USP32: variants seen among roughly 807,000 people sequenced by gnomAD.
USP32 encodes the protein ubiquitin carboxyl-terminal hydrolase 32.
USP32 carries 59 observed loss-of-function variants against 204.8 expected under a neutral mutation model. The observed-to-expected ratio is 0.29, with a 90% CI of 0.23 to 0.36. The LOEUF (loss-of-function observed/expected upper bound fraction) is 0.36, where lower values mean the gene tolerates loss of function less well. Ranked by LOEUF, USP32 falls within the 10% of genes least tolerant of loss-of-function variation. The probability of loss-of-function intolerance (pLI) is 1.00; values close to 1 mark genes in which losing one functional copy is unlikely to be tolerated. For synonymous variants in USP32, 517 were observed against 678.4 expected, an observed-to-expected ratio of 0.76 and a Z score of 3.70; for missense variants, 1,160 against 1,946.4, an observed-to-expected ratio of 0.60 and a Z score of 7.60.
intron 2 of USP32, among the ~76,000 whole-genome samples, chr17:60,302,145 ATTTATTTG>A (rs1377636281): frequency 6.9e-6 from 1 of 145,492 alleles, no homozygotes; most frequent in Non-Finnish European, 1.5e-5. Flanking sequence ...TTATTTATTT[ATTTATTTG>A]AGATGGAGTT....
chr17:60,239,505 T>C (rs2145652363), intron 11 of USP32, among the ~76,000 whole-genome samples: 1 of 152,312 alleles, frequency 6.6e-6, no homozygotes, highest in African/African-American at 2.4e-5. Context: ...TTTTTCGTCA[T>C]TCTGTTTTCT....
chr17:60,269,082 T>G (rs753812817), intron 7 of USP32, among the ~76,000 whole-genome samples: 34 of 152,344 alleles, frequency 2.2e-4, no homozygotes, highest in Non-Finnish European at 3.7e-4. Context: ...TCTGTGCCAG[T>G]GGATGGAAAA....
upstream of USP32, among the ~76,000 whole-genome samples, chr17:60,396,237 C>T (rs148528805): frequency 1.1e-4 from 16 of 152,086 alleles, no homozygotes; most frequent in East Asian, 3.1e-3. Context: ...GCCACCACAC[C>T]TGACTAATTT....
Position 60,362,390 on chromosome 17 carries a change from TCTA to T in USP32, c.59-16785_59-16783del, listed in dbSNP as rs1197094889. ...AATACGCAAGTTGGATGGGTTTTCC[TCTA>T]CTAAGAATGAATGCTCCCATTCTGA... On this transcript the variant is annotated intron_variant, in intron 1 of 33. Coordinates refer to ENST00000300896, the MANE Select transcript of USP32 (RefSeq NM_032582.4). 2.0e-5 allele frequency among the ~76,000 whole-genome samples: 3 copies of T among 152,334 alleles called. No individual in the cohort carries two copies. The East Asian group carries it at 5.8e-4, about 29-fold the overall frequency.
intron 1 of USP32, among the ~76,000 whole-genome samples, chr17:60,420,519 T>C (rs1249614410): frequency 1.3e-5 from 2 of 151,886 alleles, no homozygotes; most frequent in South Asian, 2.1e-4. Flanking sequence ...AATACAAAAT[T>C]AGCCAGACGC....
intron 13 of USP32, 81 bp downstream of exon 13, chr17:60,225,952 CAAAAAA>C (rs11309727): frequency 1.4e-4 from 144 of 1,012,982 alleles, no homozygotes; most frequent in Non-Finnish European, 1.5e-4. Flanking sequence ...AACTCAGTCT[CAAAAAA>C]AAAAAAAAAA....
intron 3 of USP32, among the ~76,000 whole-genome samples, chr17:60,297,971 C>T (rs1488033598): frequency 6.6e-6 from 1 of 152,112 alleles, no homozygotes; most frequent in East Asian, 1.9e-4. Context: ...ATAAGAAGAC[C>T]ACTGACCATG....
At chr17:60,237,325 T>A (rs975420824) in intron 11 of USP32, among the ~76,000 whole-genome samples, 60 of 143,536 alleles carry the variant, frequency 4.2e-4, no homozygotes, top group Non-Finnish European at 7.3e-4. Flanking sequence ...TTTTTTTTTT[T>A]AACTAGAGAC....
Position 60,279,258 on chromosome 17 carries a change from G to A in USP32, c.572-7777C>T, listed in dbSNP as rs75021730. Among the ~76,000 whole-genome samples, 1,350 of 152,134 alleles carry A rather than the reference G, an allele frequency of 8.9e-3. 7 individuals are homozygous for A. The highest frequency in any genetic ancestry group is 0.014 in the Middle Eastern group (4 of 294). ...CTCACACCTGTAATCCCAGCACTTT[G>A]GGAGTCTGTGGCAGGGGAGGATTGA... On this transcript the variant is annotated intron_variant, in intron 5 of 33. Coordinates refer to ENST00000300896, the MANE Select transcript of USP32 (RefSeq NM_032582.4).
In USP32 at chr17:60,181,429, A is replaced by T. The variant is rs1290362988; in HGVS notation, c.4443T>A (p.Asn1481Lys). 1.9e-6 allele frequency: 3 copies of T among 1,613,880 alleles called. No homozygotes were observed. The highest frequency in any genetic ancestry group is 2.5e-6 in the Non-Finnish European group (3 of 1,179,872). The change falls in exon 32 of 34, where the codon AAT (asparagine) becomes AAA (lysine). Residue 1481 changes from asparagine (N) to lysine (K), a missense_variant. This residue lies in a region of USP32 where 244 missense variants were observed against 342.3 expected (regional missense o/e 0.71). Coordinates refer to ENST00000300896, the MANE Select transcript of USP32 (RefSeq NM_032582.4). ...GFLYEHEACG[N>K]GYSNGQLGNH... ...TTCCAAGCTGACCATTGCTGTAGCC[A>T]TTGCCACATGCTTCATGCTCATAAA...
In USP32 at chr17:60,392,018, GGGTGAC is replaced by G; in HGVS notation, c.-85_-80del. ...CTCCCGCCTTCTCCTCGGCGTCCCT[GGGTGAC>G]GGTGACGGTGTCGGCGTCCCCCGCC... On this transcript the variant is annotated 5_prime_UTR_variant, in exon 1 of 34. Transcript: ENST00000300896. 1 of 1,481,230 alleles carries G rather than the reference GGGTGAC, an allele frequency of 6.8e-7. No homozygotes were observed. Among genetic ancestry groups the G allele is most frequent in the Non-Finnish European group, 9.1e-7 (1 of 1,101,676 alleles). 91.8% of individuals were successfully genotyped at this position (1,481,230 alleles called of 1,614,324 possible). A position where few individuals can be genotyped will look rare whatever the true frequency, so the allele number is the denominator to read the frequency against.
intron 16 of USP32, among the ~76,000 whole-genome samples, chr17:60,216,439 A>C (rs1215222709): frequency 6.6e-6 from 1 of 152,152 alleles, no homozygotes; most frequent in African/African-American, 2.4e-5. Flanking sequence ...TATAATGTAC[A>C]TTCCAAATAA....
chr17:60,421,540 G>A lies in USP32; in HGVS notation c.106+706C>T, dbSNP rs1021081654. On this transcript the variant is annotated intron_variant, in intron 1 of 3. Transcript: ENST00000588898. ...CCAGAGGACACGAAGGAAGGTCCGG[G>A]AGAAGGAATTCCTAGTTTCAGGGAA... 7.1e-6 allele frequency: 7 copies of A among 985,384 alleles called. No individual in the cohort carries two copies. In the African/African-American group the frequency reaches 8.7e-5, roughly 12 times the overall value. 61.0% of individuals were successfully genotyped at this position (985,384 alleles called of 1,614,324 possible).
At chr17:60,235,224 T>C (rs1330014721) in intron 12 of USP32, among the ~76,000 whole-genome samples, 3 of 152,116 alleles carry the variant, frequency 2.0e-5, no homozygotes, top group Admixed American at 1.3e-4. Flanking sequence ...GCTACAAATA[T>C]AAAAACCAAA....
intron 11 of USP32, among the ~76,000 whole-genome samples, chr17:60,245,041 C>G (rs2085978329): frequency 6.6e-6 from 1 of 152,326 alleles, no homozygotes; most frequent in South Asian, 2.1e-4. Context: ...AGCTCCCCTT[C>G]TACTCTCACC....
chr17:60,203,622 G>C (rs539099479), intron 26 of USP32, among the ~76,000 whole-genome samples: 251 of 151,894 alleles, frequency 1.7e-3, no homozygotes, highest in African/African-American at 5.9e-3. Flanking sequence ...TGTCGCCCAG[G>C]CTGGAGTGCA....
intron 7 of USP32, among the ~76,000 whole-genome samples, chr17:60,267,712 G>GT (rs1195824046): frequency 6.6e-6 from 1 of 151,832 alleles, no homozygotes; most frequent in East Asian, 1.9e-4. Flanking sequence ...GTAGAGACAG[G>GT]GTTTCACCAT....
At chr17:60,179,774 G>A (rs11867682) in intron 33 of USP32, among the ~76,000 whole-genome samples, 351 of 152,134 alleles carry the variant, frequency 2.3e-3, no homozygotes, top group Non-Finnish European at 4.0e-3. Flanking sequence ...GGGTTCAAGC[G>A]ATTCTGCTGC....
At chr17:60,276,966 T>TATATATATATATA (rs60544670) in intron 5 of USP32, among the ~76,000 whole-genome samples, 1 of 149,816 alleles carries the variant, frequency 6.7e-6, no homozygotes, top group African/African-American at 2.5e-5. Context: ...TATATATATA[T>TATATATATATATA]AAAATTACCA....
Sources: gnomAD v4.1 joint callset for allele counts (sites outside exome capture counted in the v4.1 genomes callset) on GRCh38, gnomAD v4.1.1 for gene constraint, gnomAD v4.1.1 regional missense constraint, MANE v1.5 for transcripts, NCBI Gene and HGNC (gene_info 2026-07-23, HGNC 2026-07-21) for gene names.